Variants in MYH15 observed in about 807,000 individuals in gnomAD.
The protein encoded by MYH15 is myosin heavy chain 15.
Under a neutral mutation model 240.5 loss-of-function variants are expected in MYH15, and 227 were observed. The observed-to-expected ratio is 0.94, with a 90% CI of 0.85 to 1.05. The LOEUF is 1.05. MYH15 is among the 50% of genes least tolerant of loss of function. The probability of loss-of-function intolerance (pLI) is 0.00; values close to 1 mark genes in which losing one functional copy is unlikely to be tolerated. For missense variants in MYH15, 2,217 were observed against 2,247.5 expected, an observed-to-expected ratio of 0.99 and a Z score of 0.27; for synonymous variants, 785 against 796.7, an observed-to-expected ratio of 0.99 and a Z score of 0.25.
At chr3:108,463,616 G>A (rs907450918) in intron 15 of MYH15, among the ~76,000 whole-genome samples, 1 of 152,112 alleles carries the variant, frequency 6.6e-6, no homozygotes, top group African/African-American at 2.4e-5. Context: ...ATTACAGGGA[G>A]CCACCATGCC....
At chr3:108,430,610 T>C (rs2082770835) in intron 26 of MYH15, among the ~76,000 whole-genome samples, 3 of 152,154 alleles carry the variant, frequency 2.0e-5, no homozygotes, top group Admixed American at 2.0e-4. Flanking sequence ...CAGCAAACAG[T>C]CAACCAATTA....
chr3:108,503,196 CCTGCAT>C, intron 2 of MYH15, among the ~76,000 whole-genome samples: 1 of 152,146 alleles, frequency 6.6e-6, no homozygotes, highest in Non-Finnish European at 1.5e-5. Context: ...CTTCTTTCTA[CCTGCAT>C]TAATGGCCTT....
intron 31 of MYH15, among the ~76,000 whole-genome samples, chr3:108,408,881 C>T (rs1251495960): frequency 6.6e-6 from 1 of 152,196 alleles, no homozygotes; most frequent in Non-Finnish European, 1.5e-5. Flanking sequence ...CCCAGATAGG[C>T]CAGAGAATCA....
intron 12 of MYH15, among the ~76,000 whole-genome samples, chr3:108,472,424 G>C (rs1334099779): frequency 1.3e-5 from 2 of 152,160 alleles, no homozygotes; most frequent in Non-Finnish European, 2.9e-5. Flanking sequence ...ATTTAGTTAT[G>C]AGTCACCCAC....
At chr3:108,532,029 T>G (rs2083714775), upstream of MYH15, among the ~76,000 whole-genome samples, 1 of 151,964 alleles carries the variant, frequency 6.6e-6, no homozygotes, top group Non-Finnish European at 1.5e-5. Context: ...AGGGAAGCAC[T>G]GGAAGGGAGG....
intron 31 of MYH15, 99 bp downstream of exon 31, chr3:108,410,484 T>C (rs2107547792): frequency 3.9e-6 from 3 of 775,508 alleles, no homozygotes; most frequent in East Asian, 2.6e-5. Flanking sequence ...AGTTAAAACA[T>C]GTTGGGAATG....
Position 108,398,773 on chromosome 3 carries a change from G to T in MYH15, c.4997C>A (p.Ala1666Asp). Reference protein sequence around the residue: ...NSDLKEQVAVAERRNSLLQSE... With the variant: ...NSDLKEQVAVDERRNSLLQSE... The stretch of plus-strand genomic sequence containing the variant: ...CTGAAGAAGAGAGTTGCGCCGCTCA[G>T]CCACAGCCACCTGCTCCTTCAGATC... Residue 1666 changes from alanine to aspartate, a missense_variant, in exon 35 of 41, where the codon GCT (alanine) becomes GAT (aspartate). By Grantham distance (126) the Ala-to-Asp change is moderately radical. Transcript: ENST00000693548. 1 of 1,614,152 alleles carries T rather than the reference G, an allele frequency of 6.2e-7. No homozygotes were observed. The highest frequency in any genetic ancestry group is 8.5e-7 in the Non-Finnish European group (1 of 1,180,028).
intron 37 of MYH15, among the ~76,000 whole-genome samples, chr3:108,391,426 C>T (rs764043058): frequency 4.6e-5 from 7 of 152,038 alleles, no homozygotes; most frequent in Non-Finnish European, 7.4e-5. Context: ...AGAAAAGGCA[C>T]AGAAACAAGA....
chr3:108,494,978 C>A (rs12490504), intron 7 of MYH15, among the ~76,000 whole-genome samples: 1 of 152,056 alleles, frequency 6.6e-6, no homozygotes, highest in Non-Finnish European at 1.5e-5. Flanking sequence ...TAAAACATCC[C>A]AAATCTACCA....
chr3:108,507,356 T>G (rs1370765008), intron 1 of MYH15, among the ~76,000 whole-genome samples: 1 of 149,290 alleles, frequency 6.7e-6, no homozygotes, highest in Admixed American at 6.7e-5. Flanking sequence ...GGAAAGCCTT[T>G]GGCTGAAGGA....
the MYH15 span, among the ~76,000 whole-genome samples, chr3:108,538,516 A>G: frequency 6.6e-6 from 1 of 152,260 alleles, no homozygotes; most frequent in African/African-American, 2.4e-5. Flanking sequence ...TAATTGTGAA[A>G]TGTTAACAGC....
the MYH15 span, among the ~76,000 whole-genome samples, chr3:108,538,353 G>A: frequency 9.9e-5 from 15 of 152,208 alleles, no homozygotes; most frequent in Admixed American, 6.5e-4. Flanking sequence ...TCAAGAACAG[G>A]AAGCTGAAAT....
intron 1 of MYH15, among the ~76,000 whole-genome samples, chr3:108,523,232 T>G (rs2083636358): frequency 6.6e-6 from 1 of 152,056 alleles, no homozygotes; most frequent in East Asian, 1.9e-4. Flanking sequence ...GATTATGGAT[T>G]CTTTTAAAAA....
At chr3:108,529,023 A>C (rs897988494) in intron 1 of MYH15, among the ~76,000 whole-genome samples, 4 of 152,208 alleles carry the variant, frequency 2.6e-5, no homozygotes, top group Non-Finnish European at 4.4e-5. Flanking sequence ...TGGACACAAG[A>C]GCACACAGAA....
the MYH15 span, among the ~76,000 whole-genome samples, chr3:108,540,975 A>G: frequency 6.6e-6 from 1 of 152,204 alleles, no homozygotes; most frequent in Admixed American, 6.5e-5. Flanking sequence ...AACAATGACA[A>G]AAAGCTAAAA....
chr3:108,484,183 A>G (rs1429952987), intron 11 of MYH15, among the ~76,000 whole-genome samples: 1 of 152,190 alleles, frequency 6.6e-6, no homozygotes, highest in Non-Finnish European at 1.5e-5. Flanking sequence ...GTTGTAAGGA[A>G]TTTTAATATT....
At chr3:108,522,033 G>A (rs1008887714) in intron 1 of MYH15, among the ~76,000 whole-genome samples, 2 of 152,132 alleles carry the variant, frequency 1.3e-5, no homozygotes, top group African/African-American at 4.8e-5. Flanking sequence ...AACAAGACCG[G>A]TTTTAAGAGG....
At chr3:108,505,678 A>T (rs746163549) in intron 2 of MYH15, 45 bp downstream of exon 2, 3 of 1,062,520 alleles carry the variant, frequency 2.8e-6, no homozygotes, top group Non-Finnish European at 4.1e-6. Context: ...TAGTTATTTG[A>T]TAGAGAACAT....
chr3:108,399,028 G>T (rs1314335665), intron 34 of MYH15, 47 bp downstream of exon 34: 1 of 1,574,984 alleles, frequency 6.3e-7, no homozygotes, highest in East Asian at 2.2e-5. Flanking sequence ...TCCATAAGCA[G>T]AAACATTTTC....
Sources: allele counts gnomAD v4.1 joint callset (sites outside exome capture counted in the v4.1 genomes callset), GRCh38; gene constraint gnomAD v4.1.1; transcripts MANE v1.5; gene names NCBI Gene and HGNC (gene_info 2026-07-23, HGNC 2026-07-21).